Variants in PPP1R3A observed in about 807,000 individuals in gnomAD.
PPP1R3A encodes protein phosphatase 1 regulatory subunit 3A.
In PPP1R3A, 29 loss-of-function variants were observed where a neutral mutation model predicts 41.7. The observed-to-expected ratio is 0.70, with a 90% CI of 0.52 to 0.95. PPP1R3A has a LOEUF of 0.95. Among genes scored for constraint, PPP1R3A ranks in the 40% least tolerant of loss-of-function variants. PPP1R3A has a pLI of 0.00. For missense variants in PPP1R3A, 1,352 were observed against 1,292.4 expected, an observed-to-expected ratio of 1.05 and a Z score of -0.71; for synonymous variants, 485 against 453.4, an observed-to-expected ratio of 1.07 and a Z score of -0.89.
At chr7:113,889,986 G>A (rs1255539711) in intron 1 of PPP1R3A, among the ~76,000 whole-genome samples, 1 of 152,030 alleles carries the variant, frequency 6.6e-6, no homozygotes, top group Non-Finnish European at 1.5e-5. Flanking sequence ...GAAGGACATG[G>A]CCTGTAAGCT....
chr7:113,905,248 G>A (rs1016535964), intron 1 of PPP1R3A, among the ~76,000 whole-genome samples: 1 of 151,586 alleles, frequency 6.6e-6, no homozygotes, highest in African/African-American at 2.4e-5. Flanking sequence ...TCCAATTCTT[G>A]TCATAAAAAT....
intron 1 of PPP1R3A, among the ~76,000 whole-genome samples, chr7:113,901,890 GA>G (rs1797068614): frequency 6.6e-6 from 1 of 151,512 alleles, no homozygotes. Flanking sequence ...CAGGGTTGTC[GA>G]AAAAAGATCA....
chr7:113,891,340 C>G (rs1796885353), intron 1 of PPP1R3A, among the ~76,000 whole-genome samples: 1 of 151,988 alleles, frequency 6.6e-6, no homozygotes, highest in African/African-American at 2.4e-5. Flanking sequence ...GCACACTGAT[C>G]ATTAATTCTA....
intron 1 of PPP1R3A, among the ~76,000 whole-genome samples, chr7:113,916,923 A>G (rs1309354820): frequency 6.6e-6 from 1 of 152,094 alleles, no homozygotes; most frequent in Non-Finnish European, 1.5e-5. Context: ...GGCCTAATTC[A>G]CAAAGTTGAT....
chr7:113,915,565 A>G (rs1770651113), intron 1 of PPP1R3A, among the ~76,000 whole-genome samples: 1 of 148,780 alleles, frequency 6.7e-6, no homozygotes, highest in South Asian at 2.1e-4. Flanking sequence ...ATATATACAT[A>G]TACATATATA....
rs1340304467 is a variant in PPP1R3A, at chr7:113,879,782, A to T, written c.1310T>A (p.Val437Asp). ...LVQLHTGSKEVLDDNANPAHG... is the reference protein window; with the variant it reads ...LVQLHTGSKEDLDDNANPAHG... ...GGCTGGATTAGCATTATCATCCAGG[A>T]CTTCTTTGCTGCCAGTATGTAATTG... The change falls in exon 4 of 4, where the codon GTC becomes GAC. Residue 437 changes from valine (V) to aspartate (D), a missense_variant. Transcript: ENST00000284601. 8.1e-6 allele frequency: 13 copies of T among 1,613,342 alleles called. No individual in the cohort carries two copies. The highest frequency in any genetic ancestry group is 1.0e-5 in the Non-Finnish European group (12 of 1,179,714).
At chr7:113,912,964 T>C (rs1014243744) in intron 1 of PPP1R3A, among the ~76,000 whole-genome samples, 6 of 152,080 alleles carry the variant, frequency 3.9e-5, no homozygotes, top group Admixed American at 2.0e-4. Context: ...GGATGGGGTA[T>C]GGATTTCCAC....
At chr7:113,898,937 G>T (rs1235826101) in intron 1 of PPP1R3A, among the ~76,000 whole-genome samples, 1 of 151,728 alleles carries the variant, frequency 6.6e-6, no homozygotes, top group Non-Finnish European at 1.5e-5. Flanking sequence ...TTTTTCCAGG[G>T]CCTGAAAGCC....
At chr7:113,917,045 A>G (rs1797353787) in intron 1 of PPP1R3A, among the ~76,000 whole-genome samples, 1 of 152,076 alleles carries the variant, frequency 6.6e-6, no homozygotes, top group African/African-American at 2.4e-5. Flanking sequence ...GGAACAATGC[A>G]TTTAGTAGTT....
At chr7:113,887,281 AAATT>A (rs999912845) in intron 1 of PPP1R3A, among the ~76,000 whole-genome samples, 2 of 152,088 alleles carry the variant, frequency 1.3e-5, no homozygotes, top group African/African-American at 2.4e-5. Context: ...AGTAAAAAAG[AAATT>A]AATTAATGGA....
Position 113,878,600 on chromosome 7 carries a change from G to A in PPP1R3A, c.2492C>T (p.Thr831Ile). 1.9e-6 allele frequency: 3 copies of A among 1,613,460 alleles called. No individual in the cohort carries two copies. Among genetic ancestry groups the A allele is most frequent in the Non-Finnish European group, 2.5e-6 (3 of 1,179,668 alleles). Residue 831 changes from threonine (T) to isoleucine (I), a missense_variant, in exon 4 of 4, where the codon ACA (threonine) becomes ATA (isoleucine). By Grantham distance (89) the Thr-to-Ile change is moderately conservative (BLOSUM62 -1). Coordinates refer to ENST00000284601, the MANE Select transcript of PPP1R3A (RefSeq NM_002711.4). ...AGTGCCACATTTCTCCCTGTCATGT[G>A]TCTTCCTAGGATTGTACATAGACAT... Reference protein sequence around the residue: ...ETMSMYNPRKTHDREKCGTGN... With the variant: ...ETMSMYNPRKIHDREKCGTGN...
At chr7:113,909,515 G>A (rs1797208965) in intron 1 of PPP1R3A, among the ~76,000 whole-genome samples, 1 of 151,942 alleles carries the variant, frequency 6.6e-6, no homozygotes, top group African/African-American at 2.4e-5. Flanking sequence ...GACCAATTGG[G>A]CTATTCCTGA....
In PPP1R3A at chr7:113,879,208, A is replaced by C. The variant is rs911143253; in HGVS notation, c.1884T>G (p.Asn628Lys). ...CSSRTGNVLR[N>K]DYLFQVEEKS... ...TTTCTTCAACTTGGAAAAGATAATC[A>C]TTCCTCAAAACATTTCCAGTTCTTG... is the stretch of plus-strand genomic sequence containing the variant. The change falls in exon 4 of 4, where the codon AAT becomes AAG. Residue 628 changes from asparagine (N) to lysine (K), a missense_variant. Asn to Lys is a moderately conservative substitution (Grantham distance 94, BLOSUM62 0). Coordinates refer to ENST00000284601, the MANE Select transcript of PPP1R3A (RefSeq NM_002711.4). 2 of 1,613,526 alleles carry C rather than the reference A, an allele frequency of 1.2e-6. No homozygotes were observed. Among genetic ancestry groups the C allele is most frequent in the African/African-American group, 1.3e-5 (1 of 74,878 alleles).
At chr7:113,907,263 T>A (rs1167644025) in intron 1 of PPP1R3A, among the ~76,000 whole-genome samples, 1 of 151,840 alleles carries the variant, frequency 6.6e-6, no homozygotes, top group African/African-American at 2.4e-5. Flanking sequence ...ATTGTATTCA[T>A]AAACTCGGAG....
rs372622131 is a variant in PPP1R3A, at chr7:113,877,369, A to G, written c.*354T>C. 140 of 173,218 alleles carry G rather than the reference A, an allele frequency of 8.1e-4. No homozygotes were observed. The highest frequency in any genetic ancestry group is 2.1e-3 in the African/African-American group (90 of 42,284). 10.7% of individuals were successfully genotyped at this position (173,218 alleles called of 1,614,324 possible). A position where few individuals can be genotyped will look rare whatever the true frequency, so the allele number is the denominator to read the frequency against. On this transcript the variant is annotated 3_prime_UTR_variant, in exon 4 of 4. Coordinates refer to ENST00000284601, the MANE Select transcript of PPP1R3A (RefSeq NM_002711.4). ...GGGAAAATATATACTCTCAAGGGGA[A>G]AAAAAAATGAAGCTTTATTGCAAGA...
At chr7:113,888,612 T>A (rs912157049) in intron 1 of PPP1R3A, among the ~76,000 whole-genome samples, 3 of 152,084 alleles carry the variant, frequency 2.0e-5, no homozygotes, top group African/African-American at 7.2e-5. Flanking sequence ...TGCAGATTGG[T>A]TTTGATGTTT....
At position 113,917,908 on chromosome 7, in the gene PPP1R3A, A is replaced by G. The variant is rs1797367496; in HGVS notation, c.782+307T>C. 3.9e-5 allele frequency among the ~76,000 whole-genome samples: 6 copies of G among 152,250 alleles called. No homozygotes were observed. In the South Asian group the frequency reaches 1.2e-3, roughly 31 times the overall value. On this transcript the variant is annotated intron_variant, in intron 1 of 3. Coordinates refer to ENST00000284601, the MANE Select transcript of PPP1R3A (RefSeq NM_002711.4). ...TAAATGTCAAAGTAAATAATTTTATATGTGAATAATCTAGATTTCATGGTT... is the reference window on the plus strand; with the variant it reads ...TAAATGTCAAAGTAAATAATTTTATGTGTGAATAATCTAGATTTCATGGTT...
rs199968105 is a variant in PPP1R3A at position 113,879,039 on chromosome 7, C to T, written c.2053G>A (p.Val685Met). The change falls in exon 4 of 4, where the codon GTG becomes ATG. Residue 685 changes from valine to methionine, a missense_variant. By Grantham distance (21) the Val-to-Met change is conservative. Coordinates refer to ENST00000284601, the MANE Select transcript of PPP1R3A (RefSeq NM_002711.4). ...CTCGTATTATCTCTTTTTCCCCACACGTCTTCACAATCTGTTTGTCCTTTG... is the reference window on the plus strand; with the variant it reads ...CTCGTATTATCTCTTTTTCCCCACATGTCTTCACAATCTGTTTGTCCTTTG... ...HIKGQTDCED[V>M]WGKRDNTRSL... The T allele has an allele frequency of 1.7e-5, 28 of 1,613,694 alleles. No individual in the cohort carries two copies. The highest frequency in any genetic ancestry group is 6.6e-5 in the South Asian group (6 of 91,078).
chr7:113,889,548 T>C (rs554581188), intron 1 of PPP1R3A, among the ~76,000 whole-genome samples: 1 of 152,242 alleles, frequency 6.6e-6, no homozygotes, highest in South Asian at 2.1e-4. Flanking sequence ...ATTTTTTCCT[T>C]TTTCCCTTAC....
Sources: allele counts gnomAD v4.1 joint callset (sites outside exome capture counted in the v4.1 genomes callset), GRCh38; gene constraint gnomAD v4.1.1; transcripts MANE v1.5; gene names NCBI Gene and HGNC (gene_info 2026-07-23, HGNC 2026-07-21).